ABCB5: variants seen among roughly 807,000 people sequenced by gnomAD.
The protein encoded by ABCB5 is ATP-binding cassette sub-family B member 5.
In ABCB5, 155 loss-of-function variants were observed where a neutral mutation model predicts 144.2. That is an observed-to-expected ratio of 1.08 (90% CI 0.94 to 1.23). The LOEUF is 1.23. ABCB5 is among the 50% of genes most tolerant of loss of function. The probability of loss-of-function intolerance (pLI) is 0.00; values close to 1 mark genes in which losing one functional copy is unlikely to be tolerated. For synonymous variants in ABCB5, 610 were observed against 528.6 expected (o/e 1.15, Z -2.11); for missense variants, 1,830 against 1,520.8 (o/e 1.20, Z -3.38).
chr7:20,716,923 A>G (rs1246016351), intron 20 of ABCB5, among the ~76,000 whole-genome samples: 1 of 152,088 alleles, frequency 6.6e-6, no homozygotes, highest in East Asian at 1.9e-4. Context: ...TCCTTTCGCC[A>G]TCTACTCGAT....
chr7:20,743,104 G>A (rs761197366), intron 25 of ABCB5, 30 bp downstream of exon 25: 9 of 1,607,396 alleles, frequency 5.6e-6, no homozygotes, highest in South Asian at 4.4e-5. Flanking sequence ...CACCTAATCT[G>A]GGGGTTAGCA....
At chr7:20,647,375 G>A in intron 9 of ABCB5, 160 bp from the exon 10 acceptor site, 1 of 1,368,408 alleles carries the variant, frequency 7.3e-7, no homozygotes, top group African/African-American at 1.5e-5. Context: ...AAGATCAAGT[G>A]TAATCTGTGT....
intron 14 of ABCB5, among the ~76,000 whole-genome samples, chr7:20,676,655 G>A (rs1282844444): frequency 1.3e-5 from 2 of 152,130 alleles, no homozygotes; most frequent in Non-Finnish European, 2.9e-5. Flanking sequence ...AGACGAATAA[G>A]TTCTAGACAT....
intron 13 of ABCB5, among the ~76,000 whole-genome samples, chr7:20,654,566 C>T (rs1014866554): frequency 1.3e-5 from 2 of 152,174 alleles, no homozygotes; most frequent in African/African-American, 4.8e-5. Flanking sequence ...GCACACGCAA[C>T]ATTCTCTAAA....
intron 14 of ABCB5, chr7:20,667,454 C>A (rs1020563749): frequency 1.4e-5 from 14 of 985,156 alleles, no homozygotes; most frequent in Non-Finnish European, 1.7e-5. Context: ...CTAGTTGCAA[C>A]CTTTTAATTG....
chr7:20,634,459 T>C (rs1015677495), intron 5 of ABCB5, among the ~76,000 whole-genome samples: 7 of 152,140 alleles, frequency 4.6e-5, no homozygotes, highest in African/African-American at 1.4e-4. Flanking sequence ...TTTTAGTTCT[T>C]TGAGAAATCT....
At position 20,743,087 on chromosome 7, in the gene ABCB5, T is replaced by C; in HGVS notation, c.3222+13T>C. On this transcript the variant is annotated intron_variant, in intron 25 of 27. Transcript: ENST00000404938. Reference sequence around the variant, plus strand: ...GCAAGGACAAGTGGTAAGACAGAACTGAAACACACCTAATCTGGGGGTTAG... The same window carrying C: ...GCAAGGACAAGTGGTAAGACAGAACCGAAACACACCTAATCTGGGGGTTAG... 1 of 1,612,916 alleles carries C rather than the reference T, an allele frequency of 6.2e-7. No homozygotes were observed. Among genetic ancestry groups the C allele is most frequent in the Admixed American group, 1.7e-5 (1 of 59,890 alleles).
At chr7:20,684,631 C>A (rs1163072192) in intron 15 of ABCB5, among the ~76,000 whole-genome samples, 1 of 152,044 alleles carries the variant, frequency 6.6e-6, no homozygotes, top group Admixed American at 6.6e-5. Context: ...TAAAAAATTT[C>A]AAAGCCATAT....
chr7:20,735,238 T>C (rs1782346857), intron 23 of ABCB5, among the ~76,000 whole-genome samples: 1 of 152,244 alleles, frequency 6.6e-6, no homozygotes, highest in African/African-American at 2.4e-5. Flanking sequence ...TGTTTCCTAG[T>C]TCTCTTAAAA....
At chr7:20,712,493 G>A (rs1389397230) in intron 20 of ABCB5, among the ~76,000 whole-genome samples, 1 of 148,926 alleles carries the variant, frequency 6.7e-6, no homozygotes, top group Non-Finnish European at 1.5e-5. Flanking sequence ...TCTCCTTCAA[G>A]GACTCTAATT....
intron 27 of ABCB5, among the ~76,000 whole-genome samples, chr7:20,753,817 T>A (rs1783004743): frequency 1.3e-5 from 2 of 152,218 alleles, no homozygotes; most frequent in African/African-American, 4.8e-5. Context: ...AAATAACTTT[T>A]CAATTTTATT....
intron 9 of ABCB5, among the ~76,000 whole-genome samples, chr7:20,647,153 A>G (rs926388933): frequency 1.3e-5 from 2 of 152,188 alleles, no homozygotes; most frequent in African/African-American, 4.8e-5. Flanking sequence ...TTCTTTTTAA[A>G]GTTCAAGGGG....
intron 14 of ABCB5, chr7:20,659,102 T>A (rs1329901696): frequency 1.2e-6 from 2 of 1,613,894 alleles, no homozygotes; most frequent in Non-Finnish European, 1.7e-6. Flanking sequence ...TAATTTCACC[T>A]CAAGTGGAGA....
At chr7:20,735,315 G>A (rs575958347) in intron 23 of ABCB5, among the ~76,000 whole-genome samples, 1 of 152,232 alleles carries the variant, frequency 6.6e-6, no homozygotes, top group South Asian at 2.1e-4. Flanking sequence ...TTGGCCAAAA[G>A]AGCAACATAG....
At chr7:20,643,035 T>G (rs1337268998) in intron 5 of ABCB5, 149 bp from the exon 6 acceptor site, 3 of 629,572 alleles carry the variant, frequency 4.8e-6, no homozygotes, top group Non-Finnish European at 8.2e-6. Flanking sequence ...TTATATTCAA[T>G]GCACTTCACT....
At chr7:20,663,818 C>T (rs1422828082) in intron 14 of ABCB5, among the ~76,000 whole-genome samples, 1 of 149,740 alleles carries the variant, frequency 6.7e-6, no homozygotes, top group Non-Finnish European at 1.5e-5. Context: ...CAGGTTCAAG[C>T]GATTCTCCTG....
At chr7:20,692,680 A>C (rs185011757) in intron 16 of ABCB5, among the ~76,000 whole-genome samples, 119 of 152,178 alleles carry the variant, frequency 7.8e-4, no homozygotes, top group African/African-American at 2.8e-3. Flanking sequence ...GGTTTTTTTA[A>C]GACAAGTATT....
At chr7:20,674,291 T>C (rs1785538181) in intron 14 of ABCB5, among the ~76,000 whole-genome samples, 1 of 152,000 alleles carries the variant, frequency 6.6e-6, no homozygotes, top group African/African-American at 2.4e-5. Context: ...ACCTTTAATG[T>C]AGCACAGTCC....
At chr7:20,659,437 T>C in intron 14 of ABCB5, 1 of 1,126,162 alleles carries the variant, frequency 8.9e-7, no homozygotes, top group Non-Finnish European at 1.1e-6. Flanking sequence ...TTTTTTAAAA[T>C]GCTGACTTTA....
Sources: allele counts gnomAD v4.1 joint callset (sites outside exome capture counted in the v4.1 genomes callset), GRCh38; gene constraint gnomAD v4.1.1; transcripts MANE v1.5; gene names NCBI Gene and HGNC (gene_info 2026-07-23, HGNC 2026-07-21).